POU6F2: variants seen among roughly 807,000 people sequenced by gnomAD.
POU6F2 encodes POU class 6 homeobox 2, also known as POU domain, class 6, transcription factor 2.
A neutral mutation model predicts 71.3 loss-of-function variants in POU6F2; 31 were observed. That is an observed-to-expected ratio of 0.43 (90% CI 0.33 to 0.59). POU6F2 has a LOEUF of 0.59. Ranked by LOEUF, POU6F2 falls within the 20% of genes least tolerant of loss-of-function variation. POU6F2 has a pLI of 0.04. For missense variants in POU6F2, 783 were observed against 856.8 expected, an observed-to-expected ratio of 0.91 and a Z score of 1.07; for synonymous variants, 347 against 355.7, an observed-to-expected ratio of 0.98 and a Z score of 0.27.
chr7:39,028,708 C>A (rs1362601984), intron 1 of POU6F2, among the ~76,000 whole-genome samples: 1 of 152,066 alleles, frequency 6.6e-6, no homozygotes, highest in Non-Finnish European at 1.5e-5. Flanking sequence ...TCTTTAATAT[C>A]TTTCCAAAAT....
chr7:39,087,147 AATTAATTAATTAATTT>A lies in POU6F2; in HGVS notation c.277+1120_277+1135del, dbSNP rs1331133000. On this transcript the variant is annotated intron_variant, in intron 2 of 9. Coordinates refer to ENST00000518318, the MANE Select transcript of POU6F2 (RefSeq NM_001370959.1). ...TTCGGCTTGAAACACAGGCTTTATT[AATTAATTAATTAATTT>A]ATTTATTTATTTATTTATTTATTTA... is the stretch of plus-strand genomic sequence containing the variant. 3.8e-3 allele frequency among the ~76,000 whole-genome samples: 225 copies of A among 58,748 alleles called. 2 individuals carry two copies. The highest frequency in any genetic ancestry group is 6.1e-3 in the Non-Finnish European group (167 of 27,520). 38.5% of individuals were successfully genotyped at this position (58,748 alleles called of 152,430 possible). A position where few individuals can be genotyped will look rare whatever the true frequency, so the allele number is the denominator to read the frequency against.
chr7:39,417,762 A>G lies in POU6F2; in HGVS notation c.1113+11022A>G, dbSNP rs2115946471. Among the ~76,000 whole-genome samples, 4 of 152,328 alleles carry G rather than the reference A, an allele frequency of 2.6e-5. No homozygotes were observed. The South Asian group carries it at 8.3e-4, about 32-fold the overall frequency. On this transcript the variant is annotated intron_variant, in intron 6 of 9. Transcript: ENST00000518318. ...CATGTACTCACATGAAAGGTGGCCC[A>G]GGATAAAGAACATGGACTTTCAAAT... is the stretch of plus-strand genomic sequence containing the variant.
intron 2 of POU6F2, among the ~76,000 whole-genome samples, chr7:39,190,660 T>C (rs1484711188): frequency 7.9e-6 from 1 of 125,850 alleles, no homozygotes; most frequent in Non-Finnish European, 1.6e-5. Flanking sequence ...TTTTTTTTGA[T>C]GGAGTCTCGC....
rs1162771915 is a variant in POU6F2 at position 39,465,650 on chromosome 7, G to C, written c.*964G>C. The C allele has an allele frequency of 6.6e-6, 1 of 152,136 alleles. No individual in the cohort carries two copies. Among genetic ancestry groups the C allele is most frequent in the Non-Finnish European group, 1.5e-5 (1 of 68,060 alleles). 9.4% of individuals were successfully genotyped at this position (152,136 alleles called of 1,614,324 possible). A position where few individuals can be genotyped will look rare whatever the true frequency, so the allele number is the denominator to read the frequency against. The stretch of plus-strand genomic sequence containing the variant: ...GGAGAAGCAGTGTCTTTTCCACTCA[G>C]ATCCTAGTGAAATGCAGGAGAGACT... On this transcript the variant is annotated 3_prime_UTR_variant, in exon 10 of 10. Coordinates refer to ENST00000518318, the MANE Select transcript of POU6F2 (RefSeq NM_001370959.1).
intron 2 of POU6F2, among the ~76,000 whole-genome samples, chr7:39,198,371 C>G (rs1271570488): frequency 6.6e-6 from 1 of 152,154 alleles, no homozygotes; most frequent in Non-Finnish European, 1.5e-5. Context: ...TCTAACTGTC[C>G]CAAATCTCCC....
At chr7:39,385,415 A>G (rs1786916802) in intron 5 of POU6F2, among the ~76,000 whole-genome samples, 1 of 152,230 alleles carries the variant, frequency 6.6e-6, no homozygotes, top group South Asian at 2.1e-4. Flanking sequence ...TGAGTTGCAC[A>G]CGGTCCTGGG....
At chr7:39,182,626 G>A (rs1793455538) in intron 2 of POU6F2, among the ~76,000 whole-genome samples, 1 of 152,082 alleles carries the variant, frequency 6.6e-6, no homozygotes, top group Non-Finnish European at 1.5e-5. Flanking sequence ...TAACTCTCTG[G>A]ATTCTTATCT....
chr7:39,332,722 G>A (rs1348045066), intron 4 of POU6F2, among the ~76,000 whole-genome samples: 2 of 152,114 alleles, frequency 1.3e-5, no homozygotes, highest in African/African-American at 4.8e-5. Flanking sequence ...AATCTTTTTG[G>A]ATTTTAAAAG....
intron 2 of POU6F2, among the ~76,000 whole-genome samples, chr7:39,108,665 G>GT (rs1039919003): frequency 1.7e-4 from 26 of 151,788 alleles, no homozygotes; most frequent in African/African-American, 6.3e-4. Context: ...CCAAGAGGAA[G>GT]TTTTTTTTTG....
intron 4 of POU6F2, among the ~76,000 whole-genome samples, chr7:39,250,923 T>C (rs1042137703): frequency 6.6e-6 from 1 of 152,168 alleles, no homozygotes; most frequent in African/African-American, 2.4e-5. Context: ...TGCAAATGCG[T>C]TCATGTTTTT....
At chr7:39,423,596 G>A (rs958354002) in intron 6 of POU6F2, among the ~76,000 whole-genome samples, 1 of 152,164 alleles carries the variant, frequency 6.6e-6, no homozygotes, top group South Asian at 2.1e-4. Context: ...TGAAAATGCT[G>A]CCACTGTCTA....
intron 6 of POU6F2, among the ~76,000 whole-genome samples, chr7:39,410,607 A>T (rs117417741): frequency 0.014 from 2,183 of 152,252 alleles, 33 homozygotes; most frequent in Middle Eastern, 0.044. Flanking sequence ...CGGGCAAATT[A>T]CTTGAGCTCT....
chr7:39,139,349 G>C (rs577755932), intron 2 of POU6F2, among the ~76,000 whole-genome samples: 253 of 152,302 alleles, frequency 1.7e-3, no homozygotes, highest in African/African-American at 5.3e-3. Context: ...TTTCACTGCT[G>C]ATGGGCTGAT....
intron 4 of POU6F2, among the ~76,000 whole-genome samples, chr7:39,242,778 A>G (rs535837210): frequency 1.1e-4 from 17 of 152,312 alleles, no homozygotes; most frequent in African/African-American, 3.6e-4. Context: ...AATTACTGCC[A>G]TGTATGATGT....
At chr7:38,995,926 C>T (rs1788721858) in intron 1 of POU6F2, among the ~76,000 whole-genome samples, 1 of 151,782 alleles carries the variant, frequency 6.6e-6, no homozygotes, top group East Asian at 1.9e-4. Context: ...CTTGCTTCTT[C>T]AGTACTTAAA....
In POU6F2 at chr7:38,999,335, A is replaced by G. The variant is rs76411381; in HGVS notation, c.105+21277A>G. 7.3e-3 allele frequency among the ~76,000 whole-genome samples: 1,117 copies of G among 152,254 alleles called. 12 individuals are homozygous for G. The highest frequency in any genetic ancestry group is 0.025 in the African/African-American group (1,052 of 41,542). On this transcript the variant is annotated intron_variant, in intron 1 of 9. Coordinates refer to ENST00000518318, the MANE Select transcript of POU6F2 (RefSeq NM_001370959.1). ...TCTTTACACATAGTAGGCACTCAATAAAGATTTGTCAAGTGTATGAATGCA... is the reference window on the plus strand; with the variant it reads ...TCTTTACACATAGTAGGCACTCAATGAAGATTTGTCAAGTGTATGAATGCA...
intron 6 of POU6F2, among the ~76,000 whole-genome samples, chr7:39,423,685 A>G (rs1787905950): frequency 6.6e-6 from 1 of 152,220 alleles, no homozygotes; most frequent in African/African-American, 2.4e-5. Flanking sequence ...CTTCGAGTAT[A>G]TGTTAACCAT....
chr7:39,417,827 T>C (rs1356482737), intron 6 of POU6F2, among the ~76,000 whole-genome samples: 1 of 152,232 alleles, frequency 6.6e-6, no homozygotes, highest in African/African-American at 2.4e-5. Flanking sequence ...CAAGCAGCTC[T>C]GCCCCCGCTG....
At chr7:39,345,678 A>G (rs970343388) in intron 5 of POU6F2, among the ~76,000 whole-genome samples, 3 of 152,248 alleles carry the variant, frequency 2.0e-5, no homozygotes, top group African/African-American at 4.8e-5. Context: ...CTCTCAGAGC[A>G]ATCCGAGTTC....
Sources: gnomAD v4.1 joint callset for allele counts (sites outside exome capture counted in the v4.1 genomes callset) on GRCh38, gnomAD v4.1.1 for gene constraint, MANE v1.5 for transcripts, NCBI Gene and HGNC (gene_info 2026-07-23, HGNC 2026-07-21) for gene names.